The following TMEM132B variants were observed in gnomAD, a reference collection of about 807,000 sequenced individuals.
The protein encoded by TMEM132B is transmembrane protein 132B.
In TMEM132B, 18 loss-of-function variants were observed where a neutral mutation model predicts 90.8. The ratio of observed to expected loss-of-function variants is 0.20; its 90% CI spans 0.14 to 0.29. TMEM132B has a LOEUF of 0.29. TMEM132B is among the 10% of genes least tolerant of loss of function. The pLI, the probability that TMEM132B is intolerant of heterozygous loss-of-function variation, is 1.00. For synonymous variants in TMEM132B, 504 were observed against 523.3 expected (o/e 0.96, Z 0.50); for missense variants, 1,096 against 1,326.8 (o/e 0.83, Z 2.70).
chr12:125,651,648 T>A (rs1181055394), intron 7 of TMEM132B, among the ~76,000 whole-genome samples: 1 of 152,182 alleles, frequency 6.6e-6, no homozygotes, highest in African/African-American at 2.4e-5. Context: ...AAAACACCCG[T>A]TAGTCAGCTA....
chr12:125,521,001 A>G lies in TMEM132B; in HGVS notation c.1293+1376A>G, dbSNP rs902585542. ...CGGGGAAGTACCTGTTAGGGAACAGAGATGGATGGGTGTGGGTTTTAAGGT... is the reference window on the plus strand; with the variant it reads ...CGGGGAAGTACCTGTTAGGGAACAGGGATGGATGGGTGTGGGTTTTAAGGT... On this transcript the variant is annotated intron_variant, in intron 4 of 8. Transcript: ENST00000682704. 7.2e-5 allele frequency among the ~76,000 whole-genome samples: 11 copies of G among 152,226 alleles called. No individual in the cohort carries two copies. In the East Asian group the frequency reaches 1.9e-3, roughly 27 times the overall value.
At chr12:125,366,646 C>A (rs1000273265) in intron 2 of TMEM132B, among the ~76,000 whole-genome samples, 8 of 152,124 alleles carry the variant, frequency 5.3e-5, no homozygotes, top group Non-Finnish European at 8.8e-5. Context: ...GAGGTATGGA[C>A]TTTTAAATGT....
At chr12:125,312,066 A>G (rs1876137472) in intron 1 of TMEM132B, among the ~76,000 whole-genome samples, 1 of 152,258 alleles carries the variant, frequency 6.6e-6, no homozygotes, top group Admixed American at 6.5e-5. Context: ...TACAAGGGAC[A>G]GCTGCTCCCA....
At chr12:125,455,669 ATTT>A (rs35613986) in intron 3 of TMEM132B, among the ~76,000 whole-genome samples, 1 of 139,936 alleles carries the variant, frequency 7.1e-6, no homozygotes, top group African/African-American at 2.6e-5. Flanking sequence ...CAAGGGTTGG[ATTT>A]TTTTTTTTTT....
At chr12:125,261,955 C>A (rs1346619078) in intron 1 of TMEM132B, among the ~76,000 whole-genome samples, 43 of 152,088 alleles carry the variant, frequency 2.8e-4, no homozygotes, top group Admixed American at 2.8e-3. Context: ...GTCGGCCTCC[C>A]AAAGTGCTTG....
At chr12:125,515,270 ACT>A (rs749097751) in intron 3 of TMEM132B, among the ~76,000 whole-genome samples, 8 of 151,194 alleles carry the variant, frequency 5.3e-5, no homozygotes, top group South Asian at 4.2e-4. Context: ...TCATACATTC[ACT>A]CACACACAAA....
At chr12:125,395,583 T>C (rs996662137) in intron 2 of TMEM132B, among the ~76,000 whole-genome samples, 1 of 152,202 alleles carries the variant, frequency 6.6e-6, no homozygotes, top group Non-Finnish European at 1.5e-5. Flanking sequence ...GGTAAAGTTA[T>C]GTGTGTATCT....
At chr12:125,413,109 A>C (rs556177840) in intron 2 of TMEM132B, among the ~76,000 whole-genome samples, 35 of 152,220 alleles carry the variant, frequency 2.3e-4, no homozygotes, top group Admixed American at 5.2e-4. Context: ...AGACATTTGA[A>C]TCTCCTAATT....
At chr12:125,631,231 T>C (rs1373257355) in intron 5 of TMEM132B, among the ~76,000 whole-genome samples, 1 of 152,160 alleles carries the variant, frequency 6.6e-6, no homozygotes, top group Non-Finnish European at 1.5e-5. Context: ...TTTTTCTTAA[T>C]TTGTTCATTA....
At chr12:125,390,365 G>T (rs1319197185) in intron 2 of TMEM132B, among the ~76,000 whole-genome samples, 1 of 152,204 alleles carries the variant, frequency 6.6e-6, no homozygotes, top group African/African-American at 2.4e-5. Flanking sequence ...GAGACACATG[G>T]TTCCTTTTCT....
chr12:125,451,456 A>G (rs1881149003), intron 3 of TMEM132B, among the ~76,000 whole-genome samples: 1 of 152,228 alleles, frequency 6.6e-6, no homozygotes, highest in Non-Finnish European at 1.5e-5. Context: ...ACAACAATGA[A>G]AATGATAAAT....
At chr12:125,402,324 G>T (rs1879343958) in intron 2 of TMEM132B, among the ~76,000 whole-genome samples, 1 of 152,116 alleles carries the variant, frequency 6.6e-6, no homozygotes, top group Admixed American at 6.5e-5. Flanking sequence ...GGAGTAGGTG[G>T]GATTACAGGC....
At chr12:125,265,300 T>C (rs1565987067) in intron 1 of TMEM132B, among the ~76,000 whole-genome samples, 1 of 151,868 alleles carries the variant, frequency 6.6e-6, no homozygotes, top group Non-Finnish European at 1.5e-5. Context: ...TACTAAATCT[T>C]ATATAGGCTG....
intron 6 of TMEM132B, among the ~76,000 whole-genome samples, chr12:125,645,060 C>CA (rs1593042236): frequency 7.6e-6 from 1 of 131,432 alleles, no homozygotes; most frequent in Non-Finnish European, 1.6e-5. Context: ...TACTAAAAAT[C>CA]CAAAAAAAAT....
At chr12:125,463,745 G>A (rs1881495858) in intron 3 of TMEM132B, among the ~76,000 whole-genome samples, 1 of 152,198 alleles carries the variant, frequency 6.6e-6, no homozygotes, top group Admixed American at 6.5e-5. Context: ...TTCCAGGAAA[G>A]GCTCTGTTAA....
intron 1 of TMEM132B, among the ~76,000 whole-genome samples, chr12:125,281,934 A>G: frequency 6.8e-6 from 1 of 146,348 alleles, no homozygotes; most frequent in East Asian, 2.1e-4. Flanking sequence ...AGGCTGAGGC[A>G]GGAGAATGGC....
At chr12:125,199,013 T>C (rs965997150) in intron 1 of TMEM132B, among the ~76,000 whole-genome samples, 7 of 152,234 alleles carry the variant, frequency 4.6e-5, no homozygotes, top group African/African-American at 1.7e-4. Flanking sequence ...TAGCATCTGG[T>C]CTTTGACCCA....
At chr12:125,399,509 G>A (rs1483297996) in intron 2 of TMEM132B, among the ~76,000 whole-genome samples, 2 of 137,454 alleles carry the variant, frequency 1.5e-5, no homozygotes, top group Non-Finnish European at 3.2e-5. Flanking sequence ...GTGTGTGTGT[G>A]TGTGTGTGTA....
chr12:125,343,201 T>C (rs1476409391), intron 1 of TMEM132B, among the ~76,000 whole-genome samples: 1 of 152,168 alleles, frequency 6.6e-6, no homozygotes, highest in Non-Finnish European at 1.5e-5. Flanking sequence ...CTCCAGGATA[T>C]GTAAGGTGGT....
Sources: allele counts gnomAD v4.1 joint callset (sites outside exome capture counted in the v4.1 genomes callset), GRCh38; gene constraint gnomAD v4.1.1; transcripts MANE v1.5; gene names NCBI Gene and HGNC (gene_info 2026-07-23, HGNC 2026-07-21).